PLA2G4D: variants seen among roughly 807,000 people sequenced by gnomAD.
The protein encoded by PLA2G4D is cytosolic phospholipase A2 delta.
PLA2G4D carries 80 observed loss-of-function variants against 94.4 expected under a neutral mutation model. The ratio of observed to expected loss-of-function variants is 0.85; its 90% CI spans 0.71 to 1.02. The LOEUF is 1.02. Among genes scored for constraint, PLA2G4D ranks in the 50% least tolerant of loss-of-function variants. PLA2G4D has a pLI of 0.00. For missense variants in PLA2G4D, 1,050 were observed against 1,034.7 expected (o/e 1.01, Z -0.20); for synonymous variants, 438 against 440.9 (o/e 0.99, Z 0.08).
intron 1 of PLA2G4D, among the ~76,000 whole-genome samples, chr15:42,091,596 G>A (rs1340774598): frequency 5.4e-5 from 3 of 55,186 alleles, no homozygotes; most frequent in African/African-American, 7.6e-5. Flanking sequence ...CCCTTTCCCC[G>A]GGGGAGTTAG....
rs940957288 is a variant in PLA2G4D at position 42,070,099 on chromosome 15, G to T, written c.2044-4C>A. On this transcript the variant is annotated splice_polypyrimidine_tract_variant and splice_region_variant and intron_variant, in intron 18 of 19. Transcript: ENST00000290472. ...ACAGCTCCGTCTGCTGCAGTGCCTG[G>T]TGGGGAGAAGGTGGCCCGGAGAGAA... is the stretch of plus-strand genomic sequence containing the variant. The T allele has an allele frequency of 6.7e-5, 100 of 1,501,752 alleles. No homozygotes were observed. Among genetic ancestry groups the T allele is most frequent in the Non-Finnish European group, 8.9e-5 (100 of 1,128,674 alleles). 93.0% of individuals were successfully genotyped at this position (1,501,752 alleles called of 1,614,324 possible). A position where few individuals can be genotyped will look rare whatever the true frequency, so the allele number is the denominator to read the frequency against.
intron 18 of PLA2G4D, 168 bp from the exon 19 acceptor site, chr15:42,070,263 A>G (rs1435954767): frequency 7.8e-6 from 5 of 637,966 alleles, no homozygotes; most frequent in African/African-American, 1.9e-5. Context: ...GGGGGAGTCC[A>G]AGGACTCTGG....
chr15:42,083,939 G>T (rs531337930), intron 6 of PLA2G4D, 160 bp from the exon 7 acceptor site: 5 of 666,406 alleles, frequency 7.5e-6, no homozygotes, highest in African/African-American at 3.6e-5. Context: ...TCCCATTGCC[G>T]ATCCTCTGCC....
chr15:42,074,492 T>C (rs1889882323), intron 13 of PLA2G4D, among the ~76,000 whole-genome samples: 1 of 152,150 alleles, frequency 6.6e-6, no homozygotes, highest in Non-Finnish European at 1.5e-5. Context: ...AGCAAAAGAC[T>C]GAAGAAAAAA....
In PLA2G4D at chr15:42,068,662, C is replaced by T; in HGVS notation, c.*53G>A. 6.6e-7 allele frequency: 1 copy of T among 1,512,332 alleles called. No homozygotes were observed. The highest frequency in any genetic ancestry group is 2.4e-5 in the East Asian group (1 of 40,960). The allele number at this position is 1,512,332 out of a possible 1,614,324, so 93.7% of individuals were successfully genotyped here. A position where few individuals can be genotyped will look rare whatever the true frequency, so the allele number is the denominator to read the frequency against. On this transcript the variant is annotated 3_prime_UTR_variant, in exon 20 of 20. Transcript: ENST00000290472. The stretch of plus-strand genomic sequence containing the variant: ...GAAGGCCTGTGGCTGAGCCCAGCTA[C>T]AGATCAGGTTATGCCCGCAGGCCCT...
chr15:42,071,428 C>T lies in PLA2G4D; in HGVS notation c.1681+16G>A, dbSNP rs202242581. On this transcript the variant is annotated intron_variant, in intron 16 of 19. Coordinates refer to ENST00000290472, the MANE Select transcript of PLA2G4D (RefSeq NM_178034.4). ...CAGCGTCATCCCAGGCCCCTCAGTGCCCCTGCCCTTCCCACCTAAGCTCCT... is the reference window on the plus strand; with the variant it reads ...CAGCGTCATCCCAGGCCCCTCAGTGTCCCTGCCCTTCCCACCTAAGCTCCT... The T allele has an allele frequency of 1.9e-5, 31 of 1,602,736 alleles. No homozygotes were observed. In the African/African-American group the frequency reaches 3.9e-4, roughly 20 times the overall value.
At chr15:42,076,202 T>C (rs1477717067) in intron 13 of PLA2G4D, among the ~76,000 whole-genome samples, 1 of 152,044 alleles carries the variant, frequency 6.6e-6, no homozygotes, top group African/African-American at 2.4e-5. Context: ...GCAATGCAGA[T>C]CAGTGGAGAA....
chr15:42,071,384 C>T (rs1595590134), intron 16 of PLA2G4D, 60 bp downstream of exon 16: 19 of 1,570,858 alleles, frequency 1.2e-5, no homozygotes, highest in East Asian at 6.8e-5. Flanking sequence ...CACCGCACAC[C>T]GCAAGCATTC....
intron 13 of PLA2G4D, among the ~76,000 whole-genome samples, chr15:42,077,738 G>A (rs1638543280): frequency 1.3e-5 from 2 of 152,260 alleles, no homozygotes; most frequent in Admixed American, 1.3e-4. Flanking sequence ...GGTATCCAGA[G>A]ATTTTTACTC....
At chr15:42,072,226 G>A in intron 14 of PLA2G4D, 49 bp downstream of exon 14, 1 of 1,497,990 alleles carries the variant, frequency 6.7e-7, no homozygotes, top group Non-Finnish European at 9.3e-7. Context: ...TCGGGGTGCA[G>A]AGGGTTTGGG....
Position 42,079,683 on chromosome 15 carries a change from G to A in PLA2G4D, c.1171C>T (p.His391Tyr). The A allele has an allele frequency of 1.9e-6, 3 of 1,612,728 alleles. No homozygotes were observed. Among genetic ancestry groups the A allele is most frequent in the Non-Finnish European group, 2.5e-6 (3 of 1,179,448 alleles). Residue 391 changes from histidine to tyrosine, a missense_variant, in exon 13 of 20, where the codon CAC becomes TAC. Physicochemically the swap from His to Tyr is moderately conservative, Grantham distance 83. Transcript: ENST00000290472. ...ACCTCCAGCTTGCTCTTGGCCAGGT[G>A]CTCCCGGGCGTATCTGATAGGTCCC... is the stretch of plus-strand genomic sequence containing the variant. ...LEGPIRYAREHLAKSKLEVFS... is the reference protein window; with the variant it reads ...LEGPIRYAREYLAKSKLEVFS...
chr15:42,088,017 A>G (rs1215992846), intron 1 of PLA2G4D, among the ~76,000 whole-genome samples: 2 of 152,198 alleles, frequency 1.3e-5, no homozygotes, highest in African/African-American at 4.8e-5. Context: ...AGGAGTGGCA[A>G]CCACAGAGGT....
At chr15:42,085,039 T>C (rs1449927760) in intron 6 of PLA2G4D, 57 bp downstream of exon 6, 1 of 1,591,180 alleles carries the variant, frequency 6.3e-7, no homozygotes, top group Non-Finnish European at 8.6e-7. Flanking sequence ...GCAGCTGCCC[T>C]CCCTCCCCAA....
chr15:42,081,146 C>T lies in PLA2G4D; in HGVS notation c.958-13G>A, dbSNP rs777078611. The T allele has an allele frequency of 1.2e-6, 2 of 1,611,084 alleles. No individual in the cohort carries two copies. Among genetic ancestry groups the T allele is most frequent in the South Asian group, 2.2e-5 (2 of 90,724 alleles). Reference sequence around the variant, plus strand: ...CCACAACGGGTACCTGGACCACACACAGACAGGCTGGATTAACAAGGAAAG... The same window carrying T: ...CCACAACGGGTACCTGGACCACACATAGACAGGCTGGATTAACAAGGAAAG... On this transcript the variant is annotated splice_polypyrimidine_tract_variant and intron_variant, in intron 11 of 19. Transcript: ENST00000290472.
chr15:42,075,930 AGGGG>A lies in PLA2G4D; in HGVS notation c.1318-3542_1318-3539del, dbSNP rs1889914220. 3.6e-5 allele frequency among the ~76,000 whole-genome samples: 3 copies of A among 83,022 alleles called. No homozygotes were observed. The Admixed American group carries it at 4.4e-4, about 12-fold the overall frequency. 54.5% of individuals were successfully genotyped at this position (83,022 alleles called of 152,430 possible). A position where few individuals can be genotyped will look rare whatever the true frequency, so the allele number is the denominator to read the frequency against. On this transcript the variant is annotated intron_variant, in intron 13 of 19. Transcript: ENST00000290472. The stretch of plus-strand genomic sequence containing the variant: ...GGGAGAGGGGAGGGGAGGGGAGGGG[AGGGG>A]AGAGGAAGAAGGAAGGAAGGAAGGA...
rs548960275 is a variant in PLA2G4D at position 42,088,443 on chromosome 15, G to A, written c.46-743C>T. Reference sequence around the variant, plus strand: ...AGGGAAAGCAGATGGCCAGAGGGGCGTGGCTGAGGCCTGCTGGGGTCAGAG... The same window carrying A: ...AGGGAAAGCAGATGGCCAGAGGGGCATGGCTGAGGCCTGCTGGGGTCAGAG... On this transcript the variant is annotated intron_variant, in intron 1 of 19. Coordinates refer to ENST00000290472, the MANE Select transcript of PLA2G4D (RefSeq NM_178034.4). Among the ~76,000 whole-genome samples the A allele has an allele frequency of 1.3e-4, 20 of 152,302 alleles. No homozygotes were observed. The East Asian group carries it at 2.1e-3, about 16-fold the overall frequency.
At position 42,071,919 on chromosome 15, in the gene PLA2G4D, G is replaced by C. The variant is rs1889830572; in HGVS notation, c.1436-8C>G. On this transcript the variant is annotated splice_polypyrimidine_tract_variant and splice_region_variant and intron_variant, in intron 14 of 19. Transcript: ENST00000290472. ...GGGAGAACTCAACCCACTCTAATGGGGTGGGAAGGAGAGGCAGGAGTGTGA... is the reference window on the plus strand; with the variant it reads ...GGGAGAACTCAACCCACTCTAATGGCGTGGGAAGGAGAGGCAGGAGTGTGA... The C allele has an allele frequency of 1.2e-6, 2 of 1,613,588 alleles. No individual in the cohort carries two copies.
chr15:42,080,816 C>T (rs537163194), intron 12 of PLA2G4D, among the ~76,000 whole-genome samples, 181 bp downstream of exon 12: 1 of 152,248 alleles, frequency 6.6e-6, no homozygotes, highest in East Asian at 1.9e-4. Flanking sequence ...TGCGCCGCCT[C>T]GCTCACGGCA....
intron 3 of PLA2G4D, 130 bp downstream of exon 3, chr15:42,087,170 A>G (rs1329248231): frequency 1.6e-6 from 2 of 1,213,030 alleles, no homozygotes; most frequent in East Asian, 2.3e-5. Flanking sequence ...CAGACAGGCC[A>G]GGGCACAGAG....
Sources: gnomAD v4.1 joint callset for allele counts (sites outside exome capture counted in the v4.1 genomes callset) on GRCh38, gnomAD v4.1.1 for gene constraint, MANE v1.5 for transcripts, NCBI Gene and HGNC (gene_info 2026-07-23, HGNC 2026-07-21) for gene names.